Variants in IGSF21 observed in about 807,000 individuals in gnomAD.
The protein encoded by IGSF21 is immunoglobin superfamily member 21.
Under a neutral mutation model 46.8 loss-of-function variants are expected in IGSF21, and 28 were observed. The observed-to-expected ratio is 0.60, with a 90% confidence interval of 0.44 to 0.82. IGSF21 has a LOEUF of 0.82. Among genes scored for constraint, IGSF21 ranks in the 40% least tolerant of loss-of-function variants. IGSF21 has a pLI of 0.00. For missense variants in IGSF21, 624 were observed against 665.5 expected (o/e 0.94, Z 0.69); for synonymous variants, 284 against 273.6 (o/e 1.04, Z -0.38).
intron 2 of IGSF21, among the ~76,000 whole-genome samples, chr1:18,279,909 A>G (rs1327317144): frequency 2.6e-5 from 4 of 152,244 alleles, no homozygotes; most frequent in Non-Finnish European, 5.9e-5. Flanking sequence ...CACAGGCCCA[A>G]TTGTGCACAG....
intron 3 of IGSF21, among the ~76,000 whole-genome samples, chr1:18,326,175 G>A (rs1266681): frequency 0.091 from 13,891 of 152,254 alleles, 1,726 homozygotes; most frequent in African/African-American, 0.28. Context: ...TGTCCAGGTG[G>A]AGCAGGCATT....
chr1:18,358,415 C>G (rs186600499), intron 4 of IGSF21, among the ~76,000 whole-genome samples: 2 of 152,214 alleles, frequency 1.3e-5, no homozygotes, highest in African/African-American at 4.8e-5. Context: ...ATCTTACGCT[C>G]TTCTTAAAAA....
At chr1:18,140,772 T>C (rs2086408625) in intron 1 of IGSF21, among the ~76,000 whole-genome samples, 1 of 152,200 alleles carries the variant, frequency 6.6e-6, no homozygotes, top group African/African-American at 2.4e-5. Context: ...CTCTTCAGCA[T>C]CCACATAGGC....
intron 2 of IGSF21, among the ~76,000 whole-genome samples, chr1:18,243,341 C>A (rs535983198): frequency 6.6e-6 from 1 of 152,102 alleles, no homozygotes; most frequent in African/African-American, 2.4e-5. Context: ...AAATCTAGGG[C>A]GTCTCTCCTA....
intron 1 of IGSF21, among the ~76,000 whole-genome samples, chr1:18,138,442 G>T (rs1228278121): frequency 1.3e-5 from 2 of 152,102 alleles, no homozygotes; most frequent in Non-Finnish European, 2.9e-5. Context: ...CTTGCTTTTG[G>T]GGTTCCCTTC....
intron 3 of IGSF21, among the ~76,000 whole-genome samples, chr1:18,293,575 C>A (rs775872880): frequency 2.0e-5 from 3 of 152,038 alleles, no homozygotes; most frequent in Non-Finnish European, 4.4e-5. Flanking sequence ...GAACCTGCTT[C>A]CAAAAAGAAA....
intron 1 of IGSF21, among the ~76,000 whole-genome samples, chr1:18,211,967 C>A (rs538656666): frequency 1.3e-5 from 2 of 152,330 alleles, no homozygotes; most frequent in Admixed American, 6.5e-5. Flanking sequence ...GCTCCTGAGG[C>A]CCATGTGGAG....
In IGSF21 at chr1:18,188,187, G is replaced by A. The variant is rs563279176; in HGVS notation, c.71-39711G>A. Among the ~76,000 whole-genome samples, 11 of 152,072 alleles carry A rather than the reference G, an allele frequency of 7.2e-5. No homozygotes were observed. The South Asian group carries it at 1.0e-3, about 14-fold the overall frequency. On this transcript the variant is annotated intron_variant, in intron 1 of 9. Coordinates refer to ENST00000251296, the MANE Select transcript of IGSF21 (RefSeq NM_032880.5). Reference sequence around the variant, plus strand: ...TTTTCTGAAACAAAAATAAATTTTCGAAAAAGAAGAAGAGGAAAAAGTCAC... The same window carrying A: ...TTTTCTGAAACAAAAATAAATTTTCAAAAAAGAAGAAGAGGAAAAAGTCAC...
At chr1:18,223,916 G>A (rs1189775428) in intron 1 of IGSF21, among the ~76,000 whole-genome samples, 2 of 152,160 alleles carry the variant, frequency 1.3e-5, no homozygotes, top group East Asian at 1.9e-4. Context: ...GCCCAGCTAC[G>A]AGCATTTCTC....
chr1:18,266,940 G>C (rs929792715), intron 2 of IGSF21, among the ~76,000 whole-genome samples: 13 of 151,692 alleles, frequency 8.6e-5, no homozygotes, highest in African/African-American at 3.2e-4. Flanking sequence ...CCAGCAAATG[G>C]GGTCAATGAA....
intron 2 of IGSF21, among the ~76,000 whole-genome samples, chr1:18,229,748 G>C (rs1032980301): frequency 6.6e-6 from 1 of 152,220 alleles, no homozygotes; most frequent in African/African-American, 2.4e-5. Context: ...GCCATGAACT[G>C]AATCACTAAG....
chr1:18,284,715 T>G (rs1330479158), intron 2 of IGSF21, among the ~76,000 whole-genome samples: 1 of 152,146 alleles, frequency 6.6e-6, no homozygotes, highest in East Asian at 1.9e-4. Context: ...GTCTCTTGCA[T>G]TATCTAATTT....
At chr1:18,369,085 G>A (rs1041345026) in intron 6 of IGSF21, among the ~76,000 whole-genome samples, 1 of 152,164 alleles carries the variant, frequency 6.6e-6, no homozygotes, top group Admixed American at 6.5e-5. Context: ...GGCCTGGACA[G>A]GCAGGTCTGC....
chr1:18,327,625 G>A (rs972023920), intron 3 of IGSF21, among the ~76,000 whole-genome samples: 2 of 152,126 alleles, frequency 1.3e-5, no homozygotes, highest in African/African-American at 2.4e-5. Flanking sequence ...GACAAGGAGT[G>A]GAAGAAACCA....
At chr1:18,231,291 G>A (rs1268115936) in intron 2 of IGSF21, among the ~76,000 whole-genome samples, 1 of 152,192 alleles carries the variant, frequency 6.6e-6, no homozygotes, top group African/African-American at 2.4e-5. Context: ...GGGTAAATCA[G>A]GGCAGCTGAT....
intron 4 of IGSF21, among the ~76,000 whole-genome samples, chr1:18,347,012 G>A (rs577452245): frequency 6.6e-6 from 1 of 152,308 alleles, no homozygotes; most frequent in East Asian, 1.9e-4. Context: ...CCGGCTGAGC[G>A]CCAGTTGAGA....
chr1:18,253,184 G>T (rs1434559644), intron 2 of IGSF21, among the ~76,000 whole-genome samples: 1 of 152,028 alleles, frequency 6.6e-6, no homozygotes, highest in Non-Finnish European at 1.5e-5. Context: ...CGATGTGCAG[G>T]GTCTACCCAG....
At chr1:18,373,405 C>T (rs1026054231) in intron 6 of IGSF21, among the ~76,000 whole-genome samples, 11 of 152,136 alleles carry the variant, frequency 7.2e-5, no homozygotes, top group East Asian at 1.9e-4. Context: ...ATGGGCCAGG[C>T]TCGGAGTGTC....
rs116128909 is a variant in IGSF21, at chr1:18,249,178, G to T, written c.183+21168G>T. Among the ~76,000 whole-genome samples the T allele has an allele frequency of 9.9e-3, 1,511 of 152,238 alleles. 21 individuals carry two copies. Among genetic ancestry groups the T allele is most frequent in the African/African-American group, 0.034 (1,402 of 41,532 alleles). On this transcript the variant is annotated intron_variant, in intron 2 of 9. Transcript: ENST00000251296. Reference sequence around the variant, plus strand: ...TTGAACCTTACCTGGAGAACAAAGGGGAGCCATTCTTCTTAAGCAGAGGAG... The same window carrying T: ...TTGAACCTTACCTGGAGAACAAAGGTGAGCCATTCTTCTTAAGCAGAGGAG...
Sources: gnomAD v4.1 joint callset for allele counts (sites outside exome capture counted in the v4.1 genomes callset) on GRCh38, gnomAD v4.1.1 for gene constraint, MANE v1.5 for transcripts, NCBI Gene and HGNC (gene_info 2026-07-23, HGNC 2026-07-21) for gene names.